The following PSMD9 variants were observed in gnomAD, a reference collection of about 807,000 sequenced individuals.
The protein encoded by PSMD9 is 26S proteasome non-ATPase regulatory subunit 9.
PSMD9 carries 26 observed loss-of-function variants against 25.9 expected under a neutral mutation model. The observed-to-expected ratio is 1.00, with a 90% CI of 0.73 to 1.39. The LOEUF is 1.39. PSMD9 is among the 40% of genes most tolerant of loss of function. PSMD9 has a pLI of 0.00. For missense variants in PSMD9, 303 were observed against 299.3 expected, an observed-to-expected ratio of 1.01 and a Z score of -0.09; for synonymous variants, 110 against 114.5, an observed-to-expected ratio of 0.96 and a Z score of 0.25.
At chr12:121,905,254 C>G (rs1489479073) in intron 4 of PSMD9, among the ~76,000 whole-genome samples, 13 of 149,394 alleles carry the variant, frequency 8.7e-5, no homozygotes, top group Non-Finnish European at 1.9e-4. Context: ...GAGTCTTGCT[C>G]TGTCGCCCAG....
intron 3 of PSMD9, among the ~76,000 whole-genome samples, chr12:121,901,083 C>T (rs1879382559): frequency 6.6e-6 from 1 of 152,020 alleles, no homozygotes; most frequent in African/African-American, 2.4e-5. Context: ...CCTTGGCCTC[C>T]CAAAATGCTG....
chr12:121,907,575 G>C (rs1258377138), intron 4 of PSMD9, among the ~76,000 whole-genome samples: 3 of 152,116 alleles, frequency 2.0e-5, no homozygotes. Context: ...AATTATAAAT[G>C]ACTGCTGATG....
Position 121,903,103 on chromosome 12 carries a change from A to T in PSMD9, c.551A>T (p.Glu184Val). Residue 184 changes from glutamate (E) to valine (V), a missense_variant, in exon 4 of 6, where the codon GAG (glutamate) becomes GTG (valine). Transcript: ENST00000541212. ...HNIGSVVQHS[E>V]GKPLNVTVIR... is the part of the protein sequence containing the mutation. ...ATTGGCAGTGTGGTGCAGCACAGTG[A>T]GGGGGTGAGTGGGGCTACCTGGTGT... is the stretch of plus-strand genomic sequence containing the variant. 1 of 1,613,312 alleles carries T rather than the reference A, an allele frequency of 6.2e-7. No individual in the cohort carries two copies. Among genetic ancestry groups the T allele is most frequent in the South Asian group, 1.1e-5 (1 of 91,046 alleles).
At chr12:121,907,106 G>C (rs1354579932) in intron 4 of PSMD9, among the ~76,000 whole-genome samples, 1 of 151,414 alleles carries the variant, frequency 6.6e-6, no homozygotes, top group Non-Finnish European at 1.5e-5. Flanking sequence ...TTTTTCTCTT[G>C]TTGCCTAGGC....
At position 121,904,388 on chromosome 12, in the gene PSMD9, C is replaced by G. The variant is rs1266524919; in HGVS notation, c.555+1281C>G. Among the ~76,000 whole-genome samples the G allele has an allele frequency of 2.0e-5, 3 of 149,020 alleles. No homozygotes were observed. The South Asian group carries it at 6.3e-4, about 31-fold the overall frequency. On this transcript the variant is annotated intron_variant, in intron 4 of 5. Coordinates refer to ENST00000541212, the MANE Select transcript of PSMD9 (RefSeq NM_002813.7). ...AGGAGTTGGAGACCATCCTGGCTAA[C>G]ACGGTGAAACCCCGTCTCTACTAAA...
rs542138089 is a variant in PSMD9 at position 121,899,549 on chromosome 12, C to T, written c.242-85C>T. 3.4e-4 allele frequency: 445 copies of T among 1,300,308 alleles called. 1 individual carries two copies. Among genetic ancestry groups the T allele is most frequent in the Non-Finnish European group, 1.4e-4 (136 of 940,124 alleles). 80.5% of individuals were successfully genotyped at this position (1,300,308 alleles called of 1,614,324 possible). A position where few individuals can be genotyped will look rare whatever the true frequency, so the allele number is the denominator to read the frequency against. On this transcript the variant is annotated intron_variant, in intron 2 of 5. Transcript: ENST00000541212. ...CTCCACATCTGGCATGTAATAAGCA[C>T]TTGTTAACTCTTCAGTGAATAAATG... is the stretch of plus-strand genomic sequence containing the variant.
chr12:121,912,523 G>C (rs1420882600), intron 4 of PSMD9, among the ~76,000 whole-genome samples: 1 of 152,084 alleles, frequency 6.6e-6, no homozygotes. Context: ...TAGTGACATG[G>C]AGCATCTTTT....
In PSMD9 at chr12:121,888,829, T is replaced by C; in HGVS notation, c.-28T>C. ...CGTCGTCCCTAGCCCGGGAGCCGGG[T>C]CTCTGGAGTCGCGGCCCGGGGTTCA... On this transcript the variant is annotated 5_prime_UTR_variant, in exon 1 of 6. Coordinates refer to ENST00000541212, the MANE Select transcript of PSMD9 (RefSeq NM_002813.7). The C allele has an allele frequency of 6.3e-7, 1 of 1,592,762 alleles. No homozygotes were observed. The highest frequency in any genetic ancestry group is 8.5e-7 in the Non-Finnish European group (1 of 1,170,820).
At chr12:121,912,045 ATTTATTTATTTATTTT>A (rs1158649574) in intron 4 of PSMD9, among the ~76,000 whole-genome samples, 1 of 146,438 alleles carries the variant, frequency 6.8e-6, no homozygotes, top group Non-Finnish European at 1.5e-5. Flanking sequence ...TTATTTATTT[ATTTATTTATTTATTTT>A]GAGACAGGTT....
chr12:121,903,227 A>G (rs1879452976), intron 4 of PSMD9, 120 bp downstream of exon 4: 1 of 894,704 alleles, frequency 1.1e-6, no homozygotes, highest in Admixed American at 2.2e-5. Flanking sequence ...GGGAAGTCCA[A>G]GATCCAGGCA....
chr12:121,895,942 A>G (rs1592941165), intron 2 of PSMD9, among the ~76,000 whole-genome samples: 1 of 152,000 alleles, frequency 6.6e-6, no homozygotes, highest in Non-Finnish European at 1.5e-5. Flanking sequence ...TATCCTCCAC[A>G]TTTTTCACTT....
chr12:121,909,889 G>A (rs1300857487), intron 4 of PSMD9, among the ~76,000 whole-genome samples: 2 of 151,602 alleles, frequency 1.3e-5, no homozygotes, highest in East Asian at 3.9e-4. Context: ...CATGTTGCTA[G>A]ATGTGTCATT....
Position 121,916,578 on chromosome 12 carries a change from A to T in PSMD9, c.*267A>T, listed in dbSNP as rs1337315961. The stretch of plus-strand genomic sequence containing the variant: ...GATTGTGGGCAAGTGGGCGGAAGTT[A>T]TTCTGGCAGGTACTGGTGTGATTAT... On this transcript the variant is annotated 3_prime_UTR_variant, in exon 6 of 6. Coordinates refer to ENST00000541212, the MANE Select transcript of PSMD9 (RefSeq NM_002813.7). The T allele has an allele frequency of 1.9e-6, 1 of 537,628 alleles. No individual in the cohort carries two copies. The highest frequency in any genetic ancestry group is 3.3e-6 in the Non-Finnish European group (1 of 300,606). 33.3% of individuals were successfully genotyped at this position (537,628 alleles called of 1,614,324 possible).
chr12:121,910,147 A>G (rs1879678242), intron 4 of PSMD9, among the ~76,000 whole-genome samples: 2 of 129,944 alleles, frequency 1.5e-5, no homozygotes, highest in South Asian at 2.4e-4. Flanking sequence ...GTGCAGCGGC[A>G]TGATCTCAGC....
At position 121,906,982 on chromosome 12, in the gene PSMD9, C is replaced by A. The variant is rs879274822; in HGVS notation, c.555+3875C>A. ...CTCTGTGTCAAAAAAAAAAAAAAAA[C>A]CAAAAAACTCACAGTGTTCTATTGT... On this transcript the variant is annotated intron_variant, in intron 4 of 5. Coordinates refer to ENST00000541212, the MANE Select transcript of PSMD9 (RefSeq NM_002813.7). Among the ~76,000 whole-genome samples, 852 of 144,330 alleles carry A rather than the reference C, an allele frequency of 5.9e-3. 5 individuals carry two copies. The highest frequency in any genetic ancestry group is 9.8e-3 in the Non-Finnish European group (635 of 64,936). The allele number at this position is 144,330 out of a possible 152,430, so 94.7% of individuals were successfully genotyped here. A position where few individuals can be genotyped will look rare whatever the true frequency, so the allele number is the denominator to read the frequency against.
rs1429612400 is a variant in PSMD9 at position 121,905,917 on chromosome 12, C to T, written c.555+2810C>T. ...AGCATTCCAACACCCCATAAAATTG[C>T]CTCAGGCTTCTTTGTAGTTAATCCC... On this transcript the variant is annotated intron_variant, in intron 4 of 5. Transcript: ENST00000541212. Among the ~76,000 whole-genome samples, 3 of 151,838 alleles carry T rather than the reference C, an allele frequency of 2.0e-5. 1 individual carries two copies. The highest frequency in any genetic ancestry group is 7.3e-5 in the African/African-American group (3 of 41,156).
intron 4 of PSMD9, among the ~76,000 whole-genome samples, chr12:121,906,648 CAAA>C (rs11289150): frequency 7.0e-5 from 10 of 142,094 alleles, no homozygotes; most frequent in Admixed American, 1.4e-4. Context: ...ACTAAAAATA[CAAA>C]AAAAAAAAAA....
chr12:121,890,295 T>C (rs1270149540), intron 1 of PSMD9, among the ~76,000 whole-genome samples: 1 of 152,192 alleles, frequency 6.6e-6, no homozygotes, highest in Non-Finnish European at 1.5e-5. Flanking sequence ...GGATTCAGAC[T>C]TCAGGTCTGT....
rs751183887 is a variant in PSMD9, at chr12:121,894,721, C to T, written c.139-18C>T. On this transcript the variant is annotated intron_variant, in intron 1 of 5. Coordinates refer to ENST00000541212, the MANE Select transcript of PSMD9 (RefSeq NM_002813.7). ...ATTACACCCATGAGCACCTTTTAAC[C>T]ACGTTTCTTTCCTCCAGCAAAAAGG... is the stretch of plus-strand genomic sequence containing the variant. 1.2e-6 allele frequency: 2 copies of T among 1,610,994 alleles called. No individual in the cohort carries two copies. The highest frequency in any genetic ancestry group is 1.7e-6 in the Non-Finnish European group (2 of 1,177,404).
Sources: allele counts gnomAD v4.1 joint callset (sites outside exome capture counted in the v4.1 genomes callset), GRCh38; gene constraint gnomAD v4.1.1; transcripts MANE v1.5; gene names NCBI Gene and HGNC (gene_info 2026-07-23, HGNC 2026-07-21).